The following PDGFD variants were observed in gnomAD, a reference collection of about 807,000 sequenced individuals.
PDGFD encodes platelet-derived growth factor D.
A neutral mutation model predicts 44.7 loss-of-function variants in PDGFD; 30 were observed. The ratio of observed to expected loss-of-function variants is 0.67; its 90% CI spans 0.50 to 0.91. PDGFD has a LOEUF of 0.91. Ranked by LOEUF, PDGFD falls within the 40% of genes least tolerant of loss-of-function variation. PDGFD has a pLI of 0.00. For missense variants in PDGFD, 445 were observed against 457.8 expected (o/e 0.97, Z 0.25); for synonymous variants, 173 against 168.4 (o/e 1.03, Z -0.21).
At chr11:104,005,442 C>T (rs1859686793) in intron 1 of PDGFD, among the ~76,000 whole-genome samples, 1 of 152,114 alleles carries the variant, frequency 6.6e-6, no homozygotes, top group Admixed American at 6.6e-5. Context: ...TAACTTAATG[C>T]CAACTCAGGG....
intron 6 of PDGFD, among the ~76,000 whole-genome samples, chr11:103,925,915 G>C (rs1197313909): frequency 6.6e-6 from 1 of 151,872 alleles, no homozygotes; most frequent in Non-Finnish European, 1.5e-5. Flanking sequence ...TTTTAGTAGA[G>C]ACGGGGTTTT....
intron 3 of PDGFD, among the ~76,000 whole-genome samples, chr11:103,966,429 T>C (rs1295358347): frequency 1.3e-5 from 2 of 152,174 alleles, no homozygotes; most frequent in African/African-American, 4.8e-5. Context: ...CCAATAGTCC[T>C]GTGTGGAGAG....
chr11:104,043,339 A>C (rs1175063171), intron 1 of PDGFD, among the ~76,000 whole-genome samples: 1 of 152,196 alleles, frequency 6.6e-6, no homozygotes, highest in East Asian at 1.9e-4. Context: ...TGCAGCTCCC[A>C]GGCATATCTG....
chr11:104,022,493 A>G (rs1305828397), intron 1 of PDGFD, among the ~76,000 whole-genome samples: 2 of 152,104 alleles, frequency 1.3e-5, no homozygotes, highest in Admixed American at 6.5e-5. Context: ...CTGCAGCACA[A>G]ATAAAGAATA....
At chr11:103,995,460 T>C (rs982592992) in intron 3 of PDGFD, among the ~76,000 whole-genome samples, 1 of 152,174 alleles carries the variant, frequency 6.6e-6, no homozygotes, top group Non-Finnish European at 1.5e-5. Context: ...CAGTTGAGAA[T>C]GGCTGCTGAG....
intron 1 of PDGFD, among the ~76,000 whole-genome samples, chr11:104,093,247 G>A (rs80350718): frequency 0.01 from 1,553 of 152,140 alleles, 24 homozygotes; most frequent in African/African-American, 0.035. Flanking sequence ...AAAGTGATGG[G>A]GGGAGGTGAT....
At chr11:104,144,421 G>A (rs1193015088) in intron 1 of PDGFD, among the ~76,000 whole-genome samples, 3 of 147,726 alleles carry the variant, frequency 2.0e-5, no homozygotes, top group African/African-American at 2.5e-5. Context: ...CAGGAGAATC[G>A]CTTGAACCCA....
chr11:104,118,810 A>C (rs1260578192), intron 1 of PDGFD, among the ~76,000 whole-genome samples: 65 of 48,284 alleles, frequency 1.3e-3, no homozygotes, highest in African/African-American at 4.3e-3. Context: ...TTAATATATA[A>C]TATATTATAT....
At chr11:104,053,749 A>G (rs975243367) in intron 1 of PDGFD, among the ~76,000 whole-genome samples, 1 of 152,188 alleles carries the variant, frequency 6.6e-6, no homozygotes, top group Admixed American at 6.5e-5. Flanking sequence ...GAGAAATCAA[A>G]CCAGATACAG....
chr11:104,033,046 A>AGG (rs34520451), intron 1 of PDGFD, among the ~76,000 whole-genome samples: 121 of 116,824 alleles, frequency 1.0e-3, no homozygotes, highest in Non-Finnish European at 1.9e-3. Context: ...GTTTATGTTT[A>AGG]GGGGTGTGTG....
At chr11:103,914,627 T>C (rs572042900) in intron 6 of PDGFD, among the ~76,000 whole-genome samples, 1 of 152,210 alleles carries the variant, frequency 6.6e-6, no homozygotes, top group Admixed American at 6.5e-5. Flanking sequence ...TACCAAAACC[T>C]AGCAGTGACA....
rs987070100 is a variant in PDGFD at position 103,909,634 on chromosome 11, A to G, written c.*60T>C. The G allele has an allele frequency of 3.3e-4, 521 of 1,598,540 alleles. No homozygotes were observed. Among genetic ancestry groups the G allele is most frequent in the Non-Finnish European group, 4.0e-4 (467 of 1,167,102 alleles). On this transcript the variant is annotated 3_prime_UTR_variant, in exon 7 of 7. Coordinates refer to ENST00000393158, the MANE Select transcript of PDGFD (RefSeq NM_025208.5). Reference sequence around the variant, plus strand: ...GTTGCTGGTAGGAAAAGGGTCTCTTATCTCACCCTCCTTAAACTAAAGGTT... The same window carrying G: ...GTTGCTGGTAGGAAAAGGGTCTCTTGTCTCACCCTCCTTAAACTAAAGGTT...
At chr11:103,982,050 A>G (rs974613217) in intron 3 of PDGFD, among the ~76,000 whole-genome samples, 7 of 151,606 alleles carry the variant, frequency 4.6e-5, no homozygotes, top group Admixed American at 2.6e-4. Flanking sequence ...CTAACATTTG[A>G]CCCTTACAAT....
At chr11:103,957,316 C>T (rs953351300) in intron 3 of PDGFD, among the ~76,000 whole-genome samples, 4 of 152,112 alleles carry the variant, frequency 2.6e-5, no homozygotes, top group Non-Finnish European at 5.9e-5. Context: ...GATTCAATGC[C>T]ATCCCCATCA....
chr11:103,972,319 C>T (rs1202611350), intron 3 of PDGFD, among the ~76,000 whole-genome samples: 1 of 152,118 alleles, frequency 6.6e-6, no homozygotes, highest in Non-Finnish European at 1.5e-5. Context: ...AAAACTGTTT[C>T]CAGATATTGC....
intron 3 of PDGFD, among the ~76,000 whole-genome samples, chr11:103,993,678 A>G (rs1006679543): frequency 6.6e-6 from 1 of 152,172 alleles, no homozygotes; most frequent in African/African-American, 2.4e-5. Context: ...TATGTGATCT[A>G]TCCCTGCTGA....
chr11:104,049,527 T>G (rs983123289), intron 1 of PDGFD, among the ~76,000 whole-genome samples: 1 of 150,368 alleles, frequency 6.7e-6, no homozygotes, highest in African/African-American at 2.5e-5. Context: ...GACATTTGAT[T>G]TTTTTTTAAG....
chr11:104,026,909 T>A (rs1176543039), intron 1 of PDGFD, among the ~76,000 whole-genome samples: 1 of 152,254 alleles, frequency 6.6e-6, no homozygotes, highest in Non-Finnish European at 1.5e-5. Context: ...ATTCTTGATG[T>A]CAAGTTCAAC....
chr11:104,125,495 G>T (rs1861829695), intron 1 of PDGFD, among the ~76,000 whole-genome samples: 1 of 152,016 alleles, frequency 6.6e-6, no homozygotes, highest in Non-Finnish European at 1.5e-5. Flanking sequence ...GCTTGTGAGA[G>T]ATTTCAATTT....
Sources: allele counts gnomAD v4.1 joint callset (sites outside exome capture counted in the v4.1 genomes callset), GRCh38; gene constraint gnomAD v4.1.1; transcripts MANE v1.5; gene names NCBI Gene and HGNC (gene_info 2026-07-23, HGNC 2026-07-21).